The following CEP350 variants were observed in gnomAD, a reference collection of about 807,000 sequenced individuals.
CEP350 encodes the protein centrosome-associated protein 350.
Under a neutral mutation model 331.8 loss-of-function variants are expected in CEP350, and 126 were observed. The observed-to-expected ratio is 0.38, with a 90% CI of 0.33 to 0.44. The LOEUF is 0.44. Ranked by LOEUF, CEP350 falls within the 20% of genes least tolerant of loss-of-function variation. The pLI is 1.00. For synonymous variants in CEP350, 1,200 were observed against 1,259.5 expected (o/e 0.95, Z 1.00); for missense variants, 3,406 against 3,634.6 (o/e 0.94, Z 1.62).
chr1:180,022,508 G>A (rs1655395225), intron 12 of CEP350, among the ~76,000 whole-genome samples, 190 bp from the exon 13 acceptor site: 1 of 152,080 alleles, frequency 6.6e-6, no homozygotes. Flanking sequence ...TTTTCTGTAT[G>A]TTTTAAAATT....
intron 7 of CEP350, among the ~76,000 whole-genome samples, chr1:180,004,856 G>GGGCA (rs1163724744): frequency 1.3e-5 from 2 of 149,326 alleles, no homozygotes; most frequent in African/African-American, 2.5e-5. Flanking sequence ...CTCAGAGCTT[G>GGGCA]GGCAGGCAGG....
intron 15 of CEP350, among the ~76,000 whole-genome samples, chr1:180,033,500 C>T (rs1656154444): frequency 6.6e-6 from 1 of 152,012 alleles, no homozygotes; most frequent in African/African-American, 2.4e-5. Context: ...TATATGGCTC[C>T]AATTTTATTG....
chr1:179,968,081 A>G (rs1248178473), intron 1 of CEP350, among the ~76,000 whole-genome samples: 1 of 152,226 alleles, frequency 6.6e-6, no homozygotes, highest in Non-Finnish European at 1.5e-5. Context: ...CTATAGTCCC[A>G]GCACTCTGGG....
intron 15 of CEP350, among the ~76,000 whole-genome samples, chr1:180,032,010 A>G (rs1007234300): frequency 2.0e-5 from 3 of 150,834 alleles, no homozygotes; most frequent in Admixed American, 2.0e-4. Flanking sequence ...CTTCCTCTCA[A>G]CTTTTCTGCT....
At chr1:180,000,206 A>G (rs1299474973) in intron 6 of CEP350, among the ~76,000 whole-genome samples, 1 of 152,254 alleles carries the variant, frequency 6.6e-6, no homozygotes, top group African/African-American at 2.4e-5. Context: ...AAATGCAAAG[A>G]AAGACTCTCA....
chr1:180,076,381 C>T lies in CEP350; in HGVS notation c.5767+1160C>T, dbSNP rs186675206. Reference sequence around the variant, plus strand: ...TCAACTATATATGCAAATCCTAATACTTAATGACAGAGTAGGATTAGCACA... The same window carrying T: ...TCAACTATATATGCAAATCCTAATATTTAATGACAGAGTAGGATTAGCACA... On this transcript the variant is annotated intron_variant, in intron 28 of 37. Transcript: ENST00000367607. 5.3e-3 allele frequency among the ~76,000 whole-genome samples: 811 copies of T among 152,280 alleles called. 5 individuals are homozygous for T. Among genetic ancestry groups the T allele is most frequent in the Middle Eastern group, 0.014 (4 of 294 alleles).
chr1:179,971,664 A>G (rs145689032), intron 1 of CEP350, among the ~76,000 whole-genome samples: 20 of 152,310 alleles, frequency 1.3e-4, no homozygotes, highest in African/African-American at 4.6e-4. Flanking sequence ...CTGTATCTCA[A>G]CAATAAAAAG....
chr1:180,057,472 T>G (rs1006575973), intron 25 of CEP350, among the ~76,000 whole-genome samples: 2 of 151,976 alleles, frequency 1.3e-5, no homozygotes, highest in African/African-American at 2.4e-5. Context: ...CCTGTCTGCT[T>G]GTATGTGGCC....
chr1:180,030,496 A>G (rs1280938297), intron 14 of CEP350, among the ~76,000 whole-genome samples: 1 of 151,858 alleles, frequency 6.6e-6, no homozygotes, highest in Non-Finnish European at 1.5e-5. Context: ...ATCAAGATGA[A>G]TAGTGTACTA....
chr1:180,086,761 G>A (rs927638684), intron 31 of CEP350, among the ~76,000 whole-genome samples: 34 of 152,240 alleles, frequency 2.2e-4, no homozygotes, highest in African/African-American at 5.1e-4. Flanking sequence ...CAATTCAGAC[G>A]AAGGTAACAT....
At chr1:180,005,423 G>A (rs1654190836) in intron 7 of CEP350, among the ~76,000 whole-genome samples, 1 of 150,790 alleles carries the variant, frequency 6.6e-6, no homozygotes, top group African/African-American at 2.4e-5. Context: ...CTCATATTTT[G>A]TATGTAATAT....
chr1:180,061,672 G>A (rs771166212), intron 25 of CEP350, among the ~76,000 whole-genome samples: 1 of 152,126 alleles, frequency 6.6e-6, no homozygotes, highest in Non-Finnish European at 1.5e-5. Context: ...GTAGACAGGG[G>A]CAGTCCTTTT....
chr1:180,073,438 G>A lies in CEP350; in HGVS notation c.5568-1584G>A, dbSNP rs556283238. 5.9e-5 allele frequency among the ~76,000 whole-genome samples: 9 copies of A among 152,216 alleles called. No individual in the cohort carries two copies. In the South Asian group the frequency reaches 6.2e-4, roughly 11 times the overall value. On this transcript the variant is annotated intron_variant, in intron 27 of 37. Transcript: ENST00000367607. ...GAGTTGCTGATATACTAGGTTCATGGCCATAATTGTTGTACTGTCTGTTAA... is the reference window on the plus strand; with the variant it reads ...GAGTTGCTGATATACTAGGTTCATGACCATAATTGTTGTACTGTCTGTTAA...
intron 1 of CEP350, among the ~76,000 whole-genome samples, chr1:179,976,853 A>G (rs1162879576): frequency 6.6e-6 from 1 of 152,136 alleles, no homozygotes; most frequent in Non-Finnish European, 1.5e-5. Context: ...GGAAACTCAA[A>G]TAAAGGGAAA....
chr1:179,976,183 A>G (rs1651851310), intron 1 of CEP350, among the ~76,000 whole-genome samples: 1 of 152,132 alleles, frequency 6.6e-6, no homozygotes, highest in Non-Finnish European at 1.5e-5. Flanking sequence ...ATTCTTTTTT[A>G]ATGTTTAAAT....
intron 29 of CEP350, 54 bp downstream of exon 29, chr1:180,078,728 G>T: frequency 7.0e-7 from 1 of 1,435,962 alleles, no homozygotes; most frequent in Non-Finnish European, 9.5e-7. Flanking sequence ...AAACTGAAAG[G>T]TATGTTAGCA....
chr1:180,034,358 G>A (rs1656210167), intron 16 of CEP350, among the ~76,000 whole-genome samples: 1 of 152,026 alleles, frequency 6.6e-6, no homozygotes, highest in South Asian at 2.1e-4. Flanking sequence ...GTATATGCAT[G>A]TATACACACA....
chr1:180,068,843 A>C (rs1312653887), intron 27 of CEP350, among the ~76,000 whole-genome samples: 1 of 152,220 alleles, frequency 6.6e-6, no homozygotes, highest in African/African-American at 2.4e-5. Flanking sequence ...GACAGAAAAA[A>C]GAATGAGGAC....
At chr1:180,101,752 A>G (rs1660828798) in intron 37 of CEP350, among the ~76,000 whole-genome samples, 1 of 152,206 alleles carries the variant, frequency 6.6e-6, no homozygotes, top group Admixed American at 6.5e-5. Flanking sequence ...TGGGGCTCCC[A>G]AGATCCACCT....
Sources: gnomAD v4.1 joint callset for allele counts (sites outside exome capture counted in the v4.1 genomes callset) on GRCh38, gnomAD v4.1.1 for gene constraint, MANE v1.5 for transcripts, NCBI Gene and HGNC (gene_info 2026-07-23, HGNC 2026-07-21) for gene names.